Variants in DAB1 observed in about 807,000 individuals in gnomAD.
DAB1 encodes DAB adaptor protein 1.
DAB1 carries 15 observed loss-of-function variants against 64.6 expected under a neutral mutation model. The ratio of observed to expected loss-of-function variants is 0.23; its 90% confidence interval spans 0.16 to 0.36. The LOEUF (loss-of-function observed/expected upper bound fraction) is 0.36, where lower values mean the gene tolerates loss of function less well. DAB1 is among the 10% of genes least tolerant of loss of function. The pLI, the probability that DAB1 is intolerant of heterozygous loss-of-function variation, is 1.00. For synonymous variants in DAB1, 235 were observed against 251.9 expected (o/e 0.93, Z 0.64); for missense variants, 596 against 706.7 (o/e 0.84, Z 1.78).
intron 1 of DAB1, among the ~76,000 whole-genome samples, chr1:57,393,928 G>T (rs982953755): frequency 6.6e-6 from 1 of 152,138 alleles, no homozygotes; most frequent in African/African-American, 2.4e-5. Context: ...AGGCTATAGG[G>T]CAAGATAGGT....
At chr1:57,902,067 G>A (rs899311072) in intron 5 of DAB1, among the ~76,000 whole-genome samples, 4 of 151,776 alleles carry the variant, frequency 2.6e-5, no homozygotes, top group African/African-American at 9.7e-5. Context: ...TGGGGTGGGA[G>A]GATCACTTGA....
intron 7 of DAB1, among the ~76,000 whole-genome samples, chr1:57,481,276 A>G (rs1305079558): frequency 6.6e-6 from 1 of 152,076 alleles, no homozygotes; most frequent in Non-Finnish European, 1.5e-5. Flanking sequence ...ATTCTTCTCA[A>G]TCTAATCCAA....
chr1:58,538,224 A>C (rs1031694294), intron 1 of DAB1, among the ~76,000 whole-genome samples: 1 of 152,204 alleles, frequency 6.6e-6, no homozygotes, highest in African/African-American at 2.4e-5. Flanking sequence ...TTAAAGCACT[A>C]CAAGCTGTGA....
intron 10 of DAB1, among the ~76,000 whole-genome samples, chr1:57,025,773 G>A (rs779668652): frequency 6.6e-6 from 1 of 152,182 alleles, no homozygotes; most frequent in Non-Finnish European, 1.5e-5. Flanking sequence ...CAAAACAGAG[G>A]CATATATCAT....
intron 7 of DAB1, among the ~76,000 whole-genome samples, chr1:57,529,652 AG>A (rs573634129): frequency 1.8e-4 from 27 of 152,268 alleles, no homozygotes; most frequent in African/African-American, 4.8e-4. Flanking sequence ...TAATAATTAA[AG>A]AAAAGGTCAA....
chr1:58,528,186 C>G (rs1180341411), intron 1 of DAB1, among the ~76,000 whole-genome samples: 1 of 152,190 alleles, frequency 6.6e-6, no homozygotes, highest in Non-Finnish European at 1.5e-5. Flanking sequence ...TGCCTTCACT[C>G]CCCATGAGCA....
downstream of DAB1, among the ~76,000 whole-genome samples, chr1:57,824,661 G>A (rs371435128): frequency 4.6e-5 from 7 of 152,148 alleles, no homozygotes; most frequent in African/African-American, 1.2e-4. Flanking sequence ...TGGGATATGC[G>A]TCTTAACCAA....
intron 5 of DAB1, among the ~76,000 whole-genome samples, chr1:58,034,898 C>A (rs908988981): frequency 2.6e-5 from 4 of 152,236 alleles, no homozygotes; most frequent in African/African-American, 7.2e-5. Context: ...ACGATTCCTT[C>A]CATCCATGTA....
intron 5 of DAB1, among the ~76,000 whole-genome samples, chr1:57,988,063 T>C (rs1392940641): frequency 2.0e-5 from 3 of 152,042 alleles, no homozygotes; most frequent in African/African-American, 7.2e-5. Flanking sequence ...GGTGTGTACT[T>C]AGGAACCCAA....
intron 6 of DAB1, among the ~76,000 whole-genome samples, chr1:57,757,791 T>G (rs1648887501): frequency 6.6e-6 from 1 of 152,158 alleles, no homozygotes; most frequent in Admixed American, 6.6e-5. Flanking sequence ...AGGCAAGTTA[T>G]TTTACCCCTT....
At chr1:57,898,634 C>T (rs59435252) in intron 5 of DAB1, among the ~76,000 whole-genome samples, 7,685 of 152,238 alleles carry the variant, frequency 0.05, 651 homozygotes, top group African/African-American at 0.18. Context: ...CCAAAGCTCT[C>T]TTGCCTGGGT....
At chr1:58,057,896 AC>A (rs1480485310) in intron 5 of DAB1, among the ~76,000 whole-genome samples, 17 of 151,358 alleles carry the variant, frequency 1.1e-4, no homozygotes, top group African/African-American at 4.1e-4. Context: ...CCACTTGACC[AC>A]CTCCTGCTTG....
chr1:57,858,500 A>C (rs1306492179), intron 1 of DAB1, among the ~76,000 whole-genome samples: 1 of 151,490 alleles, frequency 6.6e-6, no homozygotes, highest in Non-Finnish European at 1.5e-5. Context: ...TGTGATGTAG[A>C]TAGATGATAA....
chr1:57,757,220 T>TTTTTTTTTTTTTTTTTTTTTTTTTG lies in DAB1; in HGVS notation n.552-107556_552-107555insCAAAAAAAAAAAAAAAAAAAAAAAA, dbSNP rs200688727. 5.2e-4 allele frequency among the ~76,000 whole-genome samples: 63 copies of TTTTTTTTTTTTTTTTTTTTTTTTTG among 120,184 alleles called. 7 individuals carry two copies. The highest frequency in any genetic ancestry group is 2.5e-3 in the East Asian group (10 of 3,936). 78.8% of individuals were successfully genotyped at this position (120,184 alleles called of 152,430 possible). ...AGAATTTTTTTTTTTTTTTTTTTTT[T>TTTTTTTTTTTTTTTTTTTTTTTTTG]AGCAGCAATGATGGAGGCTAACAGC... is the stretch of plus-strand genomic sequence containing the variant. On this transcript the variant is annotated intron_variant and non_coding_transcript_variant, in intron 6 of 20. Coordinates refer to the DAB1 transcript ENST00000485760.
At chr1:58,135,684 TA>T (rs1374055754) in intron 5 of DAB1, among the ~76,000 whole-genome samples, 5 of 152,172 alleles carry the variant, frequency 3.3e-5, no homozygotes, top group South Asian at 2.1e-4. Context: ...GAGCATCAAA[TA>T]AGGATACTTC....
At chr1:57,108,046 G>T (rs1360028151) in intron 4 of DAB1, among the ~76,000 whole-genome samples, 6 of 152,122 alleles carry the variant, frequency 3.9e-5, no homozygotes, top group Non-Finnish European at 4.4e-5. Context: ...CTGCTATTCA[G>T]TGTCAGCTTT....
chr1:57,636,642 G>C (rs2101635552), intron 7 of DAB1, among the ~76,000 whole-genome samples: 1 of 152,276 alleles, frequency 6.6e-6, no homozygotes, highest in East Asian at 1.9e-4. Flanking sequence ...TGTGCTCGTG[G>C]GTGAGATATG....
chr1:58,413,856 G>A (rs849488), intron 3 of DAB1, among the ~76,000 whole-genome samples: 92,059 of 151,872 alleles, frequency 0.61, 28,795 homozygotes, highest in African/African-American at 0.77. Flanking sequence ...TGTGTCTCTC[G>A]ACAACAGGGA....
chr1:58,172,248 G>A (rs559908656), intron 4 of DAB1, among the ~76,000 whole-genome samples: 28 of 152,296 alleles, frequency 1.8e-4, no homozygotes, highest in Non-Finnish European at 3.5e-4. Context: ...GATAGCTCTT[G>A]GAGTCCTTAC....
Sources: gnomAD v4.1 joint callset for allele counts (sites outside exome capture counted in the v4.1 genomes callset) on GRCh38, gnomAD v4.1.1 for gene constraint, MANE v1.5 for transcripts, NCBI Gene and HGNC (gene_info 2026-07-23, HGNC 2026-07-21) for gene names.